Variants in TRPM3 observed in about 807,000 individuals in gnomAD.
The protein encoded by TRPM3 is transient receptor potential cation channel subfamily M member 3, also known as long transient receptor potential channel 3.
Under a neutral mutation model 181.2 loss-of-function variants are expected in TRPM3, and 77 were observed. That is an observed-to-expected ratio of 0.42 (90% CI 0.35 to 0.51). The LOEUF (loss-of-function observed/expected upper bound fraction) is 0.51. TRPM3 is among the 20% of genes least tolerant of loss of function. The pLI is 0.01. For missense variants in TRPM3, 1,759 were observed against 2,196.7 expected (o/e 0.80, Z 3.98); for synonymous variants, 745 against 796.4 (o/e 0.94, Z 1.09).
intron 1 of TRPM3, among the ~76,000 whole-genome samples, chr9:71,244,848 A>G (rs1191242744): frequency 1.3e-5 from 2 of 152,194 alleles, no homozygotes; most frequent in Non-Finnish European, 2.9e-5. Flanking sequence ...ATTTGATAGC[A>G]CTATACGGAA....
intron 1 of TRPM3, among the ~76,000 whole-genome samples, chr9:71,284,980 T>G (rs1196124122): frequency 6.6e-6 from 1 of 152,176 alleles, no homozygotes; most frequent in Non-Finnish European, 1.5e-5. Flanking sequence ...TCTCAAACAT[T>G]TTAAAAAATA....
chr9:71,008,670 C>G (rs1342369166), intron 1 of TRPM3, among the ~76,000 whole-genome samples: 1 of 152,138 alleles, frequency 6.6e-6, no homozygotes, highest in Non-Finnish European at 1.5e-5. Context: ...TGGTGAAACC[C>G]TGTCTCTACT....
intron 11 of TRPM3, among the ~76,000 whole-genome samples, chr9:70,636,935 G>A (rs564294177): frequency 2.3e-4 from 35 of 152,160 alleles, no homozygotes; most frequent in African/African-American, 5.5e-4. Flanking sequence ...TGATCCATCC[G>A]CCTTGGCCTC....
At chr9:71,343,247 T>A (rs1477630403) in intron 1 of TRPM3, among the ~76,000 whole-genome samples, 1 of 151,996 alleles carries the variant, frequency 6.6e-6, no homozygotes, top group Non-Finnish European at 1.5e-5. Context: ...CAGAACTGAA[T>A]GCAAACAAAA....
intron 1 of TRPM3, among the ~76,000 whole-genome samples, chr9:71,035,816 T>A (rs533593092): frequency 6.6e-6 from 1 of 152,032 alleles, no homozygotes; most frequent in Non-Finnish European, 1.5e-5. Flanking sequence ...CTCAGAAAAA[T>A]TTCACAGTTA....
rs573002647 is a variant in TRPM3, at chr9:71,046,135, C to T, written c.177+75043G>A. Among the ~76,000 whole-genome samples, 4 of 152,046 alleles carry T rather than the reference C, an allele frequency of 2.6e-5. No homozygotes were observed. In the South Asian group the frequency reaches 8.3e-4, roughly 32 times the overall value. ...CCTCCCGAGTAGCTGCAATTACAAGCGCCCCACGCCCGGCTAATTTTTTGT... is the reference window on the plus strand; with the variant it reads ...CCTCCCGAGTAGCTGCAATTACAAGTGCCCCACGCCCGGCTAATTTTTTGT... On this transcript the variant is annotated intron_variant, in intron 1 of 25. Transcript: ENST00000677713.
Position 71,275,845 on chromosome 9 carries a change from CT to C in TRPM3, c.183+170807del, listed in dbSNP as rs11453930. Reference sequence around the variant, plus strand: ...TGTAGATCAATGGAGAAAGAAGGAACTTTTTTTTTTTTTTGAGACAGAGTCT... The same window carrying C: ...TGTAGATCAATGGAGAAAGAAGGAACTTTTTTTTTTTTTGAGACAGAGTCT... On this transcript the variant is annotated intron_variant, in intron 1 of 24. Transcript: ENST00000357533. Among the ~76,000 whole-genome samples, 1,097 of 143,308 alleles carry C rather than the reference CT, an allele frequency of 7.7e-3. 17 individuals carry two copies. The highest frequency in any genetic ancestry group is 0.024 in the African/African-American group (949 of 38,964). 94.0% of individuals were successfully genotyped at this position (143,308 alleles called of 152,430 possible).
At chr9:71,080,181 A>AATAAATAAATAC (rs1439977038) in intron 1 of TRPM3, among the ~76,000 whole-genome samples, 1 of 147,614 alleles carries the variant, frequency 6.8e-6, no homozygotes, top group East Asian at 2.0e-4. Context: ...AAAATAAATA[A>AATAAATAAATAC]ATAAATAAAT....
At chr9:70,893,544 T>C (rs909143674) in intron 1 of TRPM3, among the ~76,000 whole-genome samples, 2 of 152,172 alleles carry the variant, frequency 1.3e-5, no homozygotes, top group Non-Finnish European at 2.9e-5. Context: ...GAATGGTTTA[T>C]GGAATACTAC....
At chr9:71,270,467 T>C (rs2083707726) in intron 1 of TRPM3, among the ~76,000 whole-genome samples, 1 of 152,236 alleles carries the variant, frequency 6.6e-6, no homozygotes, top group Non-Finnish European at 1.5e-5. Context: ...TCATCCTATA[T>C]AACCCTCCTG....
At chr9:70,802,417 T>C (rs1445416830) in intron 6 of TRPM3, among the ~76,000 whole-genome samples, 1 of 152,204 alleles carries the variant, frequency 6.6e-6, no homozygotes, top group Non-Finnish European at 1.5e-5. Flanking sequence ...AGAATGAGCA[T>C]GACTATGTTG....
rs191882731 is a variant in TRPM3, at chr9:71,304,275, T to C, written c.183+142378A>G. 4.3e-4 allele frequency among the ~76,000 whole-genome samples: 65 copies of C among 152,336 alleles called. No individual in the cohort carries two copies. The East Asian group carries it at 0.011, about 25-fold the overall frequency. ...AGAGTTCTTCAGGTCTGGTTTTGAT[T>C]TGAGTTTTGCTTTTCAGCTAGACTA... On this transcript the variant is annotated intron_variant, in intron 1 of 24. Coordinates refer to the TRPM3 transcript ENST00000357533.
chr9:70,567,309 T>G (rs777758884), intron 22 of TRPM3, among the ~76,000 whole-genome samples: 1 of 152,276 alleles, frequency 6.6e-6, no homozygotes, highest in Non-Finnish European at 1.5e-5. Context: ...TCAGTATTCA[T>G]GAAGACAGGA....
chr9:71,285,720 C>T (rs1292055309), intron 1 of TRPM3, among the ~76,000 whole-genome samples: 1 of 152,194 alleles, frequency 6.6e-6, no homozygotes, highest in African/African-American at 2.4e-5. Context: ...ACCACCACCA[C>T]CAGTCGCTGC....
At chr9:70,917,025 G>A (rs1276014921) in intron 1 of TRPM3, 2 of 1,575,246 alleles carry the variant, frequency 1.3e-6, no homozygotes, top group Admixed American at 3.3e-5. Flanking sequence ...AGGTGAGTGG[G>A]TATAGAGACT....
intron 1 of TRPM3, among the ~76,000 whole-genome samples, chr9:71,369,855 G>A (rs533038451): frequency 1.3e-5 from 2 of 152,106 alleles, no homozygotes; most frequent in African/African-American, 4.8e-5. Flanking sequence ...CAAGATTTTG[G>A]CAAACCTGCG....
Position 70,992,072 on chromosome 9 carries a change from C to T in TRPM3, c.178-127561G>A, listed in dbSNP as rs144145610. 3.3e-5 allele frequency among the ~76,000 whole-genome samples: 5 copies of T among 152,320 alleles called. No individual in the cohort carries two copies. In the East Asian group the frequency reaches 5.8e-4, roughly 18 times the overall value. ...CTCATTTCTTTGCTCCACTCCAGTA[C>T]ACTCTGCCTGGGCACAGAGTGTCAC... is the stretch of plus-strand genomic sequence containing the variant. On this transcript the variant is annotated intron_variant, in intron 1 of 25. Transcript: ENST00000677713.
chr9:70,810,214 G>A (rs975229473), intron 6 of TRPM3: 29 of 384,750 alleles, frequency 7.5e-5, no homozygotes, highest in Non-Finnish European at 2.1e-5. Flanking sequence ...CCATCACCCT[G>A]TCCTATGGGT....
chr9:71,063,534 A>G (rs2061561179), intron 1 of TRPM3, among the ~76,000 whole-genome samples: 1 of 152,128 alleles, frequency 6.6e-6, no homozygotes, highest in Admixed American at 6.6e-5. Flanking sequence ...TGTGGACTGT[A>G]AAAATCTTCA....
Sources: allele counts gnomAD v4.1 joint callset (sites outside exome capture counted in the v4.1 genomes callset), GRCh38; gene constraint gnomAD v4.1.1; transcripts MANE v1.5; gene names NCBI Gene and HGNC (gene_info 2026-07-23, HGNC 2026-07-21).